PRDM5: variants seen among roughly 807,000 people sequenced by gnomAD.
PRDM5 encodes PR domain zinc finger protein 5.
In PRDM5, 56 loss-of-function variants were observed where a neutral mutation model predicts 81.2. The ratio of observed to expected loss-of-function variants is 0.69; its 90% CI spans 0.56 to 0.86. PRDM5 has a LOEUF of 0.86. Among genes scored for constraint, PRDM5 ranks in the 40% least tolerant of loss-of-function variants. The pLI, the probability that PRDM5 is intolerant of heterozygous loss-of-function variation, is 0.00. For synonymous variants in PRDM5, 267 were observed against 256.4 expected (o/e 1.04, Z -0.39); for missense variants, 697 against 770.1 (o/e 0.91, Z 1.12).
At chr4:120,890,360 G>C (rs961210704) in intron 2 of PRDM5, among the ~76,000 whole-genome samples, 2 of 152,270 alleles carry the variant, frequency 1.3e-5, no homozygotes, top group African/African-American at 4.8e-5. Context: ...CCATTCATGA[G>C]AAACTCACCC....
intron 12 of PRDM5, among the ~76,000 whole-genome samples, chr4:120,779,534 T>C (rs1318751393): frequency 6.6e-6 from 1 of 152,174 alleles, no homozygotes; most frequent in Non-Finnish European, 1.5e-5. Context: ...AATATCATTA[T>C]TACTCAGCAT....
intron 2 of PRDM5, among the ~76,000 whole-genome samples, chr4:120,899,635 C>T (rs1400552711): frequency 6.6e-6 from 1 of 152,140 alleles, no homozygotes; most frequent in Non-Finnish European, 1.5e-5. Flanking sequence ...GGGTTTCCCC[C>T]ATCACACACC....
intron 13 of PRDM5, 71 bp from the exon 14 acceptor site, chr4:120,754,709 C>A: frequency 9.2e-7 from 1 of 1,086,238 alleles, no homozygotes; most frequent in South Asian, 1.3e-5. Flanking sequence ...TATCACTTCT[C>A]ACACACTCAG....
rs149923049 is a variant in PRDM5, at chr4:120,892,310, T to A, written c.177+15164A>T. ...ATTCTGTTATTTCTGGGTGGAGAGT[T>A]CCATAGATGTCTGTTGGCCCTATCT... On this transcript the variant is annotated intron_variant, in intron 2 of 15. Transcript: ENST00000264808. Among the ~76,000 whole-genome samples the A allele has an allele frequency of 1.2e-4, 19 of 152,278 alleles. No individual in the cohort carries two copies. In the East Asian group the frequency reaches 3.3e-3, roughly 26 times the overall value.
At chr4:120,910,173 G>A (rs1257654919) in intron 1 of PRDM5, among the ~76,000 whole-genome samples, 1 of 152,144 alleles carries the variant, frequency 6.6e-6, no homozygotes, top group African/African-American at 2.4e-5. Flanking sequence ...ACTGATAGGG[G>A]AGGTAAATTA....
downstream of PRDM5, among the ~76,000 whole-genome samples, chr4:120,689,600 C>CTTTTTTTTTTT: frequency 6.9e-6 from 1 of 143,976 alleles, no homozygotes; most frequent in Non-Finnish European, 1.5e-5. Context: ...TTTCAAAATT[C>CTTTTTTTTTTT]TTTTTTTTTT....
intron 2 of PRDM5, among the ~76,000 whole-genome samples, chr4:120,856,169 T>G (rs752886510): frequency 6.6e-6 from 1 of 152,220 alleles, no homozygotes; most frequent in African/African-American, 2.4e-5. Context: ...ATGCACTTCC[T>G]GTCTATCACT....
chr4:120,869,813 C>G (rs1761587256), intron 2 of PRDM5, among the ~76,000 whole-genome samples: 1 of 152,108 alleles, frequency 6.6e-6, no homozygotes, highest in African/African-American at 2.4e-5. Context: ...GAAAAAAAAC[C>G]TCATGTCAAC....
chr4:120,750,429 T>C (rs972829152), intron 14 of PRDM5, among the ~76,000 whole-genome samples: 1 of 152,056 alleles, frequency 6.6e-6, no homozygotes, highest in African/African-American at 2.4e-5. Flanking sequence ...GTACACAGGA[T>C]CTGCCAAAAC....
rs533541671 is a variant in PRDM5, at chr4:120,836,594, T to C, written c.301-15249A>G. Among the ~76,000 whole-genome samples the C allele has an allele frequency of 1.1e-3, 172 of 152,324 alleles. 1 individual carries two copies. The highest frequency in any genetic ancestry group is 4.1e-3 in the African/African-American group (170 of 41,580). ...CAACTGTAAACATCACCACAACTCA[T>C]ATATTTAAAAGGTACTTAAAGCACA... On this transcript the variant is annotated intron_variant, in intron 3 of 15. Coordinates refer to ENST00000264808, the MANE Select transcript of PRDM5 (RefSeq NM_018699.4).
chr4:120,801,696 G>A (rs1436489869), intron 8 of PRDM5, among the ~76,000 whole-genome samples: 1 of 152,212 alleles, frequency 6.6e-6, no homozygotes, highest in Non-Finnish European at 1.5e-5. Context: ...GAATGCTAGT[G>A]CTCCAGAGCA....
chr4:120,702,882 TTAAAA>T (rs1459618048), intron 15 of PRDM5, among the ~76,000 whole-genome samples: 1 of 152,110 alleles, frequency 6.6e-6, no homozygotes, highest in Non-Finnish European at 1.5e-5. Flanking sequence ...TGGCTTCTTA[TTAAAA>T]TTAGATTCAC....
chr4:120,803,081 T>A (rs1752375121), intron 8 of PRDM5, among the ~76,000 whole-genome samples: 1 of 152,176 alleles, frequency 6.6e-6, no homozygotes, highest in South Asian at 2.1e-4. Context: ...GGTAGCTGAT[T>A]CGATCAGCTG....
At chr4:120,866,416 G>GA (rs1761205050) in intron 2 of PRDM5, among the ~76,000 whole-genome samples, 2 of 152,184 alleles carry the variant, frequency 1.3e-5, no homozygotes, top group African/African-American at 2.4e-5. Context: ...TATGAAAAGT[G>GA]AAACATGAAA....
chr4:120,724,949 AT>A (rs1183564949), intron 14 of PRDM5, among the ~76,000 whole-genome samples: 1 of 152,216 alleles, frequency 6.6e-6, no homozygotes, highest in Non-Finnish European at 1.5e-5. Context: ...AGGTAGTAGC[AT>A]AAACCTGCCC....
chr4:120,871,398 C>G (rs1490491319), intron 2 of PRDM5, among the ~76,000 whole-genome samples: 1 of 152,134 alleles, frequency 6.6e-6, no homozygotes, highest in East Asian at 1.9e-4. Context: ...AGATGTTTAT[C>G]AACTTCCAGG....
chr4:120,871,759 A>G (rs1385263292), intron 2 of PRDM5, among the ~76,000 whole-genome samples: 1 of 128,786 alleles, frequency 7.8e-6, no homozygotes, highest in Non-Finnish European at 1.8e-5. Context: ...TAGGGTGGCT[A>G]CTGTTTCAAA....
chr4:120,907,260 G>A (rs895792293), intron 2 of PRDM5, among the ~76,000 whole-genome samples: 8 of 151,640 alleles, frequency 5.3e-5, no homozygotes, highest in Non-Finnish European at 1.5e-5. Context: ...CTTGAACCTG[G>A]GGGGCGGACG....
chr4:120,716,008 C>T (rs189248557), intron 14 of PRDM5, among the ~76,000 whole-genome samples: 39 of 152,248 alleles, frequency 2.6e-4, no homozygotes, highest in Admixed American at 2.1e-3. Context: ...AAGACTGACT[C>T]CCTGCTAGTA....
Sources: gnomAD v4.1 joint callset for allele counts (sites outside exome capture counted in the v4.1 genomes callset) on GRCh38, gnomAD v4.1.1 for gene constraint, MANE v1.5 for transcripts, NCBI Gene and HGNC (gene_info 2026-07-23, HGNC 2026-07-21) for gene names.